CEP192: variants seen among roughly 807,000 people sequenced by gnomAD.
CEP192 encodes the protein centrosomal protein 192, also known as centrosomal protein of 192 kDa.
CEP192 carries 151 observed loss-of-function variants against 271.8 expected under a neutral mutation model. The observed-to-expected ratio is 0.56, with a 90% CI of 0.49 to 0.64. CEP192 has a LOEUF of 0.64. Among genes scored for constraint, CEP192 ranks in the 30% least tolerant of loss-of-function variants. CEP192 has a pLI of 0.00. For missense variants in CEP192, 2,910 were observed against 3,020.5 expected (o/e 0.96, Z 0.86); for synonymous variants, 995 against 1,076.5 (o/e 0.92, Z 1.48).
In CEP192 at chr18:13,079,961, T is replaced by A. The variant is rs182086110; in HGVS notation, c.5616+6776T>A. Among the ~76,000 whole-genome samples, 231 of 152,336 alleles carry A rather than the reference T, an allele frequency of 1.5e-3. 3 individuals carry two copies. Among genetic ancestry groups the A allele is most frequent in the Non-Finnish European group, 1.8e-3 (123 of 68,032 alleles). ...AGATGGTTGTAGATGTGTGGTGTTA[T>A]TTCTGAGGCCTCTGTTCTGTTCCAC... On this transcript the variant is annotated intron_variant, in intron 30 of 44. Coordinates refer to ENST00000506447, the MANE Select transcript of CEP192 (RefSeq NM_032142.4).
At chr18:13,040,775 A>G in intron 13 of CEP192, 55 bp from the exon 14 acceptor site, 1 of 1,428,326 alleles carries the variant, frequency 7.0e-7, no homozygotes, top group South Asian at 1.3e-5. Flanking sequence ...ACAGTCTAGA[A>G]TTTCTCAAAG....
Position 13,057,695 on chromosome 18 carries a change from A to G in CEP192, c.4219A>G (p.Ser1407Gly). 1 of 1,614,122 alleles carries G rather than the reference A, an allele frequency of 6.2e-7. No homozygotes were observed. The highest frequency in any genetic ancestry group is 8.5e-7 in the Non-Finnish European group (1 of 1,179,988). ...TCCAACTGACCGCTGGCTGCAAGTC[A>G]GCATTGGGGTCCTCAGCATTAGTGT... ...LNPTDRWLQV[S>G]IGVLSISVNG... Residue 1407 changes from serine (S) to glycine (G), a missense_variant, in exon 20 of 45, where the codon AGC becomes GGC. Ser to Gly is a moderately conservative substitution (Grantham distance 56). Coordinates refer to ENST00000506447, the MANE Select transcript of CEP192 (RefSeq NM_032142.4).
At chr18:13,024,762 A>G (rs915697353) in intron 9 of CEP192, among the ~76,000 whole-genome samples, 5 of 140,856 alleles carry the variant, frequency 3.5e-5, no homozygotes, top group African/African-American at 1.4e-4. Flanking sequence ...TGCCTGGCCT[A>G]TTTATTTTTA....
At chr18:12,997,874 G>A (rs1225477442) in intron 1 of CEP192, among the ~76,000 whole-genome samples, 2 of 151,946 alleles carry the variant, frequency 1.3e-5, no homozygotes, top group Non-Finnish European at 1.5e-5. Flanking sequence ...ACAGGTGCCC[G>A]CCATGACGCC....
intron 7 of CEP192, 25 bp downstream of exon 7, chr18:13,017,361 T>C: frequency 2.0e-6 from 3 of 1,482,638 alleles, no homozygotes; most frequent in Non-Finnish European, 2.7e-6. Context: ...TTATGATTTT[T>C]CAGAAATTTG....
rs780716624 is a variant in CEP192 at position 13,049,262 on chromosome 18, C to A, written c.2471C>A (p.Pro824Gln). Reference sequence around the variant, plus strand: ...GAACAAACTACTCAAGACATTCATCCGGTGGACTTAAGTGCTACTAGTGTA... The same window carrying A: ...GAACAAACTACTCAAGACATTCATCAGGTGGACTTAAGTGCTACTAGTGTA... ...PKEQTTQDIH[P>Q]VDLSATSVSV... The change falls in exon 16 of 45, where the codon CCG (proline) becomes CAG (glutamine). Residue 824 changes from proline to glutamine, a missense_variant. By Grantham distance (76) the Pro-to-Gln change is moderately conservative (BLOSUM62 -1). Coordinates refer to ENST00000506447, the MANE Select transcript of CEP192 (RefSeq NM_032142.4). The A allele has an allele frequency of 6.2e-7, 1 of 1,614,064 alleles. No individual in the cohort carries two copies. Among genetic ancestry groups the A allele is most frequent in the South Asian group, 1.1e-5 (1 of 91,078 alleles).
chr18:13,090,682 A>C (rs1169189347), intron 33 of CEP192, among the ~76,000 whole-genome samples: 4 of 152,202 alleles, frequency 2.6e-5, no homozygotes, highest in African/African-American at 9.7e-5. Context: ...TGGACTTGTC[A>C]GGAGTGTGCT....
At chr18:13,072,664 A>T in intron 28 of CEP192, 91 bp from the exon 29 acceptor site, 1 of 826,878 alleles carries the variant, frequency 1.2e-6, no homozygotes, top group South Asian at 1.5e-5. Flanking sequence ...CCATCTCTAG[A>T]CATTGTGGTT....
chr18:13,041,583 T>C lies in CEP192; in HGVS notation c.1937-621T>C, dbSNP rs571958109. Among the ~76,000 whole-genome samples, 7 of 142,326 alleles carry C rather than the reference T, an allele frequency of 4.9e-5. No individual in the cohort carries two copies. In the South Asian group the frequency reaches 1.3e-3, roughly 26 times the overall value. The allele number at this position is 142,326 out of a possible 152,430, so 93.4% of individuals were successfully genotyped here. ...TCTCTTTTTTTTTGAGACAGTCTCT[T>C]TTTTTTTTTTTTGAGACAGAGTCTC... On this transcript the variant is annotated intron_variant, in intron 14 of 44. Coordinates refer to ENST00000506447, the MANE Select transcript of CEP192 (RefSeq NM_032142.4).
chr18:13,036,779 A>G (rs1321969288), intron 11 of CEP192, among the ~76,000 whole-genome samples: 2 of 151,768 alleles, frequency 1.3e-5, no homozygotes, highest in African/African-American at 4.8e-5. Flanking sequence ...ACATTAGGGG[A>G]CTCCCAGTCT....
At chr18:13,098,598 T>G (rs8086346) in intron 36 of CEP192, among the ~76,000 whole-genome samples, 1 of 149,360 alleles carries the variant, frequency 6.7e-6, no homozygotes, top group Admixed American at 6.6e-5. Flanking sequence ...CGGGCAGAGA[T>G]GCTCCTCACT....
At chr18:13,038,237 A>AT (rs1010222270) in intron 12 of CEP192, 133 bp from the exon 13 acceptor site, 11,878 of 522,946 alleles carry the variant, frequency 0.023, no homozygotes, top group East Asian at 0.043. Flanking sequence ...AGTTTGTCCA[A>AT]TTTTTTTTTT....
At chr18:13,043,123 C>T (rs2036296863) in intron 15 of CEP192, among the ~76,000 whole-genome samples, 2 of 152,226 alleles carry the variant, frequency 1.3e-5, no homozygotes, top group African/African-American at 4.8e-5. Context: ...TCTTCATGTA[C>T]ATTTCCCTGA....
chr18:13,029,630 C>A, intron 9 of CEP192, 33 bp from the exon 10 acceptor site: 1 of 1,291,064 alleles, frequency 7.7e-7, no homozygotes, highest in Non-Finnish European at 1.0e-6. Flanking sequence ...CTTACTGTTG[C>A]TCTGTTAAAA....
At chr18:12,994,279 C>A (rs971538075) in intron 1 of CEP192, among the ~76,000 whole-genome samples, 5 of 152,102 alleles carry the variant, frequency 3.3e-5, no homozygotes, top group Admixed American at 6.6e-5. Flanking sequence ...AGATAAACTT[C>A]TCTTAGAAGG....
Position 13,008,007 on chromosome 18 carries a change from G to A in CEP192, c.291-449G>A, listed in dbSNP as rs1202384032. Among the ~76,000 whole-genome samples, 5 of 152,264 alleles carry A rather than the reference G, an allele frequency of 3.3e-5. No homozygotes were observed. In the East Asian group the frequency reaches 9.6e-4, roughly 29 times the overall value. On this transcript the variant is annotated intron_variant, in intron 3 of 44. Coordinates refer to ENST00000506447, the MANE Select transcript of CEP192 (RefSeq NM_032142.4). ...TTCATCCACACAGAAAACAGCAGAG[G>A]TAGAAAGAAAGATAAGGACAAGAAC...
At chr18:13,107,385 T>C (rs2040003742) in intron 40 of CEP192, among the ~76,000 whole-genome samples, 1 of 152,192 alleles carries the variant, frequency 6.6e-6, no homozygotes, top group African/African-American at 2.4e-5. Context: ...GTTTTCACAA[T>C]CTCTCTAACA....
chr18:13,072,938 A>G (rs2038090445), intron 29 of CEP192, 71 bp from the exon 30 acceptor site: 3 of 1,546,678 alleles, frequency 1.9e-6, no homozygotes, highest in African/African-American at 2.7e-5. Context: ...GCTTTTAAGA[A>G]TCTGTGTTAA....
At chr18:13,048,777 A>T in intron 15 of CEP192, 82 bp from the exon 16 acceptor site, 1 of 911,044 alleles carries the variant, frequency 1.1e-6, no homozygotes, top group Non-Finnish European at 1.7e-6. Context: ...TTTGAAACGC[A>T]TCTCCCAATG....
Sources: gnomAD v4.1 joint callset for allele counts (sites outside exome capture counted in the v4.1 genomes callset) on GRCh38, gnomAD v4.1.1 for gene constraint, MANE v1.5 for transcripts, NCBI Gene and HGNC (gene_info 2026-07-23, HGNC 2026-07-21) for gene names.